Variants in LCORL observed in about 807,000 individuals in gnomAD.
LCORL encodes the protein ligand dependent nuclear receptor corepressor like, also known as ligand-dependent nuclear receptor corepressor-like protein.
LCORL carries 41 observed loss-of-function variants against 141.8 expected under a neutral mutation model. That is an observed-to-expected ratio of 0.29 (90% CI 0.23 to 0.38). The LOEUF (loss-of-function observed/expected upper bound fraction) is 0.38, where lower values mean the gene tolerates loss of function less well. Ranked by LOEUF, LCORL falls within the 10% of genes least tolerant of loss-of-function variation. LCORL has a pLI of 1.00. For synonymous variants in LCORL, 618 were observed against 694.1 expected, an observed-to-expected ratio of 0.89 and a Z score of 1.72; for missense variants, 1,759 against 2,035.0, an observed-to-expected ratio of 0.86 and a Z score of 2.61.
intron 7 of LCORL, among the ~76,000 whole-genome samples, chr4:17,864,697 T>C (rs1725434871): frequency 6.6e-6 from 1 of 152,192 alleles, no homozygotes. Flanking sequence ...AAGGCAGAGA[T>C]TGTCGCACTG....
intron 4 of LCORL, among the ~76,000 whole-genome samples, chr4:17,919,001 A>T (rs1452389164): frequency 1.3e-5 from 2 of 152,190 alleles, no homozygotes; most frequent in East Asian, 1.9e-4. Flanking sequence ...ACCTTTAGCT[A>T]AACAGACCAA....
chr4:17,973,999 G>C (rs1379800078), intron 1 of LCORL, among the ~76,000 whole-genome samples: 1 of 152,020 alleles, frequency 6.6e-6, no homozygotes, highest in East Asian at 1.9e-4. Flanking sequence ...GACAGTACTA[G>C]TTCCCATGAG....
chr4:17,909,143 G>T, exon 5 of LCORL: 1 of 1,612,834 alleles, frequency 6.2e-7, no homozygotes, highest in South Asian at 1.1e-5. Flanking sequence ...GGTCTAAGGG[G>T]CCTTCCTGCT....
chr4:17,959,625 A>G (rs1333697965), intron 4 of LCORL, among the ~76,000 whole-genome samples: 1 of 152,072 alleles, frequency 6.6e-6, no homozygotes, highest in Non-Finnish European at 1.5e-5. Context: ...ACCATCTCAA[A>G]AAGCATAAGT....
chr4:17,851,987 T>G (rs890983346), intron 7 of LCORL, among the ~76,000 whole-genome samples: 8 of 152,336 alleles, frequency 5.3e-5, no homozygotes, highest in Non-Finnish European at 1.0e-4. Context: ...CCAATTAGTA[T>G]AATGTTTTTC....
chr4:18,020,486 C>G (rs949343296), intron 1 of LCORL: 3 of 152,124 alleles, frequency 2.0e-5, no homozygotes, highest in African/African-American at 7.3e-5. Flanking sequence ...ACAACGCGCC[C>G]CATTCCATAA....
At chr4:18,000,364 G>A (rs1721748806) in intron 1 of LCORL, among the ~76,000 whole-genome samples, 1 of 152,100 alleles carries the variant, frequency 6.6e-6, no homozygotes, top group Admixed American at 6.5e-5. Context: ...AAAGAAGGGG[G>A]CAAATCTCAA....
chr4:17,909,427 T>A, intron 4 of LCORL, 82 bp from the exon 5 acceptor site: 1 of 1,043,690 alleles, frequency 9.6e-7, no homozygotes, highest in Non-Finnish European at 1.3e-6. Flanking sequence ...TATTACAAAT[T>A]AATGACTTCA....
At chr4:17,876,929 A>T in exon 7 of LCORL, 1 of 1,230,804 alleles carries the variant, frequency 8.1e-7, no homozygotes, top group East Asian at 3.2e-5. Context: ...ATGTTTCAGC[A>T]TGATTTTTAC....
chr4:17,943,835 A>G (rs916296563), intron 4 of LCORL, among the ~76,000 whole-genome samples: 6 of 152,166 alleles, frequency 3.9e-5, no homozygotes, highest in Non-Finnish European at 7.3e-5. Context: ...GTACAGACAC[A>G]TTATCATAAG....
chr4:17,930,021 T>C (rs1251847665), intron 4 of LCORL, among the ~76,000 whole-genome samples: 3 of 152,116 alleles, frequency 2.0e-5, no homozygotes, highest in Admixed American at 2.0e-4. Context: ...GCATGATTAG[T>C]CCTTAGGAAA....
chr4:17,847,925 C>G (rs182021316), intron 7 of LCORL, among the ~76,000 whole-genome samples: 13 of 152,026 alleles, frequency 8.6e-5, no homozygotes, highest in Admixed American at 7.9e-4. Context: ...GTATTAAACT[C>G]CAAAAAATAA....
chr4:17,954,880 G>A (rs1712276925), intron 4 of LCORL, among the ~76,000 whole-genome samples: 1 of 152,168 alleles, frequency 6.6e-6, no homozygotes, highest in African/African-American at 2.4e-5. Context: ...CAAGTGTTCT[G>A]TTTTAGACAG....
intron 4 of LCORL, among the ~76,000 whole-genome samples, chr4:17,960,978 A>G (rs1713666867): frequency 6.6e-6 from 1 of 152,154 alleles, no homozygotes; most frequent in Non-Finnish European, 1.5e-5. Context: ...AAGACTAAAC[A>G]AAAGACTCTT....
exon 7 of LCORL, chr4:17,876,413 T>C: frequency 8.1e-7 from 1 of 1,230,924 alleles, no homozygotes; most frequent in Non-Finnish European, 1.0e-6. Context: ...ATGCTTTATA[T>C]CCTTCTGATA....
Position 17,972,749 on chromosome 4 carries a change from T to C in LCORL, c.220+71A>G, listed in dbSNP as rs370370207. 88 of 627,598 alleles carry C rather than the reference T, an allele frequency of 1.4e-4. 1 individual carries two copies. The South Asian group carries it at 2.6e-3, about 19-fold the overall frequency. The allele number at this position is 627,598 out of a possible 1,614,324, so 38.9% of individuals were successfully genotyped here. A position where few individuals can be genotyped will look rare whatever the true frequency, so the allele number is the denominator to read the frequency against. On this transcript the variant is annotated intron_variant, in intron 2 of 7. Coordinates refer to ENST00000635767, the Ensembl canonical transcript of LCORL. ...ATTCATGTTTAATATAAAGTTAGTA[T>C]AGAACAACAATTTTTCATTTGTTAA...
Position 17,918,059 on chromosome 4 carries a change from C to T in LCORL, c.431-8714G>A, listed in dbSNP as rs547252213. Among the ~76,000 whole-genome samples the T allele has an allele frequency of 1.3e-3, 191 of 152,304 alleles. 2 individuals carry two copies. Among genetic ancestry groups the T allele is most frequent in the Non-Finnish European group, 2.4e-3 (161 of 68,032 alleles). On this transcript the variant is annotated intron_variant, in intron 4 of 7. Coordinates refer to ENST00000635767, the Ensembl canonical transcript of LCORL. ...CCCATGGCAAACACTGAGAGTCTTA[C>T]GATTGTAGACGTATGAGGAAACATC... is the stretch of plus-strand genomic sequence containing the variant.
chr4:17,870,584 TATAAGAGCAACAACC>T (rs1355198650), intron 7 of LCORL, among the ~76,000 whole-genome samples: 5 of 152,160 alleles, frequency 3.3e-5, no homozygotes, highest in South Asian at 4.1e-4. Flanking sequence ...TGGAGGAACA[TATAAGAGCAACAACC>T]ATAAGAGCAA....
chr4:17,864,970 A>C lies in LCORL; in HGVS notation c.5602+8418T>G, dbSNP rs149034263. The stretch of plus-strand genomic sequence containing the variant: ...AAGTACCTAACAATTCTAAATGCAT[A>C]TGCAACTATTTACAAAGCTTCAAAA... On this transcript the variant is annotated intron_variant, in intron 7 of 7. Coordinates refer to ENST00000635767, the Ensembl canonical transcript of LCORL. Among the ~76,000 whole-genome samples the C allele has an allele frequency of 2.8e-3, 430 of 152,338 alleles. 3 individuals carry two copies. Among genetic ancestry groups the C allele is most frequent in the African/African-American group, 9.9e-3 (411 of 41,576 alleles).
Sources: allele counts gnomAD v4.1 joint callset (sites outside exome capture counted in the v4.1 genomes callset), GRCh38; gene constraint gnomAD v4.1.1; transcripts MANE v1.5; gene names NCBI Gene and HGNC (gene_info 2026-07-23, HGNC 2026-07-21).